Variants in TMEM117 observed in about 807,000 individuals in gnomAD.
TMEM117 encodes transmembrane protein 117.
Under a neutral mutation model 52.4 loss-of-function variants are expected in TMEM117, and 27 were observed. The observed-to-expected ratio is 0.51, with a 90% CI of 0.38 to 0.71. TMEM117 has a LOEUF of 0.71. Among genes scored for constraint, TMEM117 ranks in the 30% least tolerant of loss-of-function variants. The probability of loss-of-function intolerance (pLI) is 0.00; values close to 1 mark genes in which losing one functional copy is unlikely to be tolerated. For synonymous variants in TMEM117, 215 were observed against 206.3 expected, an observed-to-expected ratio of 1.04 and a Z score of -0.36; for missense variants, 556 against 630.5, an observed-to-expected ratio of 0.88 and a Z score of 1.26.
At chr12:44,303,255 G>A (rs1037079909) in intron 6 of TMEM117, among the ~76,000 whole-genome samples, 2 of 151,674 alleles carry the variant, frequency 1.3e-5, no homozygotes, top group African/African-American at 4.8e-5. Flanking sequence ...CTCTATGTTG[G>A]TCAGGCTGGT....
chr12:44,382,881 A>G lies in TMEM117; in HGVS notation c.899-5145A>G, dbSNP rs150233640. Among the ~76,000 whole-genome samples the G allele has an allele frequency of 2.0e-5, 3 of 152,314 alleles. No homozygotes were observed. In the South Asian group the frequency reaches 6.2e-4, roughly 32 times the overall value. ...CCCAAGCACTTAATGTGGTTTCTAG[A>G]TATCCCTAAATTGCCTAGGGAGAGA... On this transcript the variant is annotated intron_variant, in intron 7 of 7. Coordinates refer to ENST00000266534, the MANE Select transcript of TMEM117 (RefSeq NM_032256.3).
the TMEM117 span, among the ~76,000 whole-genome samples, chr12:43,818,420 G>GTT: frequency 3.5e-4 from 50 of 142,628 alleles, 1 homozygote; most frequent in African/African-American, 8.3e-4. Flanking sequence ...ATTTGTATCT[G>GTT]TTTTTTTTTT....
rs1458149325 is a variant in TMEM117 at position 44,006,706 on chromosome 12, A to G, written c.410+62364A>G. On this transcript the variant is annotated intron_variant, in intron 3 of 7. Coordinates refer to ENST00000266534, the MANE Select transcript of TMEM117 (RefSeq NM_032256.3). ...TTTGAATAACCAGATACATACATAT[A>G]GATAGATAGGTAAAGATATCTCATA... 2.6e-5 allele frequency among the ~76,000 whole-genome samples: 4 copies of G among 152,192 alleles called. No individual in the cohort carries two copies. In the East Asian group the frequency reaches 7.7e-4, roughly 29 times the overall value.
chr12:44,381,953 A>G (rs1299116292), intron 7 of TMEM117, among the ~76,000 whole-genome samples: 3 of 152,158 alleles, frequency 2.0e-5, no homozygotes, highest in African/African-American at 7.2e-5. Flanking sequence ...TGCATCCTGT[A>G]TACAAAGAAA....
At chr12:43,946,383 T>TG (rs1281547655) in intron 3 of TMEM117, among the ~76,000 whole-genome samples, 2 of 20,996 alleles carry the variant, frequency 9.5e-5, no homozygotes, top group African/African-American at 1.5e-4. Context: ...ATTCTGTTTT[T>TG]TTTTTTTTTT....
intron 3 of TMEM117, among the ~76,000 whole-genome samples, chr12:44,129,294 G>A (rs565348211): frequency 2.2e-4 from 33 of 152,272 alleles, no homozygotes; most frequent in African/African-American, 7.9e-4. Context: ...TTTCCCCACA[G>A]TTTTTGTTTG....
At chr12:44,260,549 C>T (rs753730937) in intron 5 of TMEM117, among the ~76,000 whole-genome samples, 5 of 151,986 alleles carry the variant, frequency 3.3e-5, no homozygotes, top group Admixed American at 2.0e-4. Flanking sequence ...ATGGTAAATA[C>T]AAAAACAAAT....
chr12:44,040,886 T>C (rs1172164800), intron 3 of TMEM117, among the ~76,000 whole-genome samples: 1 of 152,226 alleles, frequency 6.6e-6, no homozygotes, highest in African/African-American at 2.4e-5. Context: ...GGTCATATAC[T>C]ATATAACGAA....
At chr12:44,376,876 C>A in intron 7 of TMEM117, 152 bp downstream of exon 7, 2 of 791,056 alleles carry the variant, frequency 2.5e-6, no homozygotes, top group East Asian at 3.2e-5. Context: ...TTCAGATCAA[C>A]AAGGGGCTCT....
the TMEM117 span, chr12:43,799,334 T>C: frequency 3.8e-6 from 4 of 1,048,722 alleles, no homozygotes; most frequent in Admixed American, 4.5e-5. Context: ...CCACATCTAT[T>C]AATTAAAAAT....
At chr12:44,199,357 T>C (rs540394235) in intron 4 of TMEM117, among the ~76,000 whole-genome samples, 2 of 152,324 alleles carry the variant, frequency 1.3e-5, no homozygotes, top group South Asian at 4.1e-4. Flanking sequence ...TGTTAAATTA[T>C]GGGTTTTCTT....
intron 4 of TMEM117, among the ~76,000 whole-genome samples, chr12:44,197,521 T>C (rs1949437077): frequency 6.6e-6 from 1 of 151,460 alleles, no homozygotes; most frequent in South Asian, 2.1e-4. Flanking sequence ...ATGGTGTAAA[T>C]ATTTTTTTTT....
chr12:44,394,914 C>A, the TMEM117 span, among the ~76,000 whole-genome samples: 2 of 152,166 alleles, frequency 1.3e-5, no homozygotes, highest in Non-Finnish European at 2.9e-5. Flanking sequence ...TTCAGCCAAG[C>A]CACAGTGCTT....
At chr12:44,133,639 A>G (rs886815478) in intron 3 of TMEM117, among the ~76,000 whole-genome samples, 4 of 151,960 alleles carry the variant, frequency 2.6e-5, no homozygotes, top group Non-Finnish European at 5.9e-5. Context: ...TATGAAACAA[A>G]TTTATGGGGC....
intron 3 of TMEM117, among the ~76,000 whole-genome samples, chr12:44,051,089 A>T (rs1434342757): frequency 6.6e-6 from 1 of 152,194 alleles, no homozygotes; most frequent in Non-Finnish European, 1.5e-5. Flanking sequence ...TCATTTTGAA[A>T]CATTTCCAAG....
At chr12:44,099,430 C>T (rs1421726204) in intron 3 of TMEM117, among the ~76,000 whole-genome samples, 1 of 151,932 alleles carries the variant, frequency 6.6e-6, no homozygotes, top group East Asian at 1.9e-4. Context: ...AACACTTTTC[C>T]ATAAGATGGT....
intron 4 of TMEM117, among the ~76,000 whole-genome samples, chr12:44,181,728 C>A (rs1949202632): frequency 6.6e-6 from 1 of 150,714 alleles, no homozygotes; most frequent in Admixed American, 6.6e-5. Flanking sequence ...TGTTTTGGTA[C>A]CAGTACCATG....
intron 5 of TMEM117, among the ~76,000 whole-genome samples, chr12:44,267,230 A>C (rs1950389304): frequency 6.6e-6 from 1 of 151,966 alleles, no homozygotes; most frequent in African/African-American, 2.4e-5. Context: ...GCCTTGACTT[A>C]TTATGTTACA....
chr12:44,121,711 T>C (rs1948238008), intron 3 of TMEM117, among the ~76,000 whole-genome samples: 1 of 152,158 alleles, frequency 6.6e-6, no homozygotes, highest in South Asian at 2.1e-4. Context: ...CTCTTTCCAA[T>C]TTTTATTTTA....
Sources: allele counts gnomAD v4.1 joint callset (sites outside exome capture counted in the v4.1 genomes callset), GRCh38; gene constraint gnomAD v4.1.1; transcripts MANE v1.5; gene names NCBI Gene and HGNC (gene_info 2026-07-23, HGNC 2026-07-21).